OPHN1: variants seen among roughly 807,000 people sequenced by gnomAD.
OPHN1 encodes the protein oligophrenin 1.
A neutral mutation model predicts 60.7 loss-of-function variants in OPHN1; 11 were observed. That is an observed-to-expected ratio of 0.18 (90% confidence interval 0.11 to 0.30). The LOEUF (loss-of-function observed/expected upper bound fraction) is 0.30. Among genes scored for constraint, OPHN1 ranks in the 10% least tolerant of loss-of-function variants. The pLI is 1.00. For missense variants in OPHN1, 449 were observed against 611.0 expected, an observed-to-expected ratio of 0.73 and a Z score of 2.80; for synonymous variants, 226 against 222.6, an observed-to-expected ratio of 1.02 and a Z score of -0.14.
At chrX:68,084,501 C>T (rs2076987892) in intron 19 of OPHN1, among the ~76,000 whole-genome samples, 1 of 109,954 alleles carries the variant, frequency 9.1e-6, no homozygotes, top group Admixed American at 9.6e-5. Context: ...GAAGCAGTTA[C>T]ATGCTATGCA....
intron 8 of OPHN1, among the ~76,000 whole-genome samples, chrX:68,211,303 C>T (rs776788794): frequency 8.9e-6 from 1 of 112,455 alleles, no homozygotes; most frequent in Admixed American, 9.4e-5. Flanking sequence ...AAGTCACCAA[C>T]TCAGTAATGC....
At chrX:68,128,493 T>C (rs1044210469) in intron 15 of OPHN1, among the ~76,000 whole-genome samples, 9 of 93,585 alleles carry the variant, frequency 9.6e-5, no homozygotes, top group Non-Finnish European at 1.6e-4. Flanking sequence ...AGTTGCACTG[T>C]ATGTGTGTGG....
At chrX:68,336,351 C>G (rs1306042160) in intron 2 of OPHN1, 2 of 109,110 alleles carry the variant, frequency 1.8e-5, no homozygotes, top group African/African-American at 6.7e-5. Flanking sequence ...ACTGAGACCC[C>G]ATCTCTACAA....
chrX:68,251,337 C>G (rs2077834079), intron 5 of OPHN1, among the ~76,000 whole-genome samples: 1 of 108,015 alleles, frequency 9.3e-6, no homozygotes, highest in African/African-American at 3.4e-5. Context: ...AGGCACGCAC[C>G]ACCACACCCA....
chrX:68,070,537 C>T (rs2076929480), intron 20 of OPHN1: 13 of 650,657 alleles, frequency 2.0e-5, no homozygotes, highest in Non-Finnish European at 3.4e-5. Flanking sequence ...TTGCCGAGAG[C>T]ATCCACCCCA....
chrX:68,332,078 A>C (rs976459146), intron 2 of OPHN1, among the ~76,000 whole-genome samples: 3 of 111,232 alleles, frequency 2.7e-5, no homozygotes, highest in East Asian at 2.8e-4. Context: ...AAGAATGAGA[A>C]CGATCTGAAG....
intron 11 of OPHN1, 63 bp from the exon 12 acceptor site, chrX:68,197,327 G>A (rs1013087504): frequency 2.3e-6 from 2 of 858,512 alleles, no homozygotes; most frequent in Non-Finnish European, 3.5e-6. Flanking sequence ...GGAGTCTTGT[G>A]ATCTAGGGTC....
chrX:68,056,497 C>T (rs1256131610), intron 21 of OPHN1, among the ~76,000 whole-genome samples: 1 of 111,675 alleles, frequency 9.0e-6, no homozygotes, highest in East Asian at 2.8e-4. Context: ...TATTCATGTG[C>T]ACACATATGA....
At chrX:68,074,068 A>G (rs1282143232) in intron 19 of OPHN1, among the ~76,000 whole-genome samples, 1 of 112,319 alleles carries the variant, frequency 8.9e-6, no homozygotes, top group East Asian at 2.8e-4. Flanking sequence ...ATGGAGACCA[A>G]CCTTTTAGCC....
intron 11 of OPHN1, among the ~76,000 whole-genome samples, chrX:68,199,419 T>C (rs896141157): frequency 9.0e-6 from 1 of 111,534 alleles, no homozygotes; most frequent in Non-Finnish European, 1.9e-5. Flanking sequence ...AGAGGATCAC[T>C]TGAACCTGTG....
At position 68,073,186 on chromosome X, in the gene OPHN1, C is replaced by A. The variant is rs372951407; in HGVS notation, c.1800G>T (p.Thr600=). ...CATCCAGGGAAGAAGTATAGAAAACCGTCCTTTCTCGCAGCAAGCGCTTTG... is the reference window on the plus strand; with the variant it reads ...CATCCAGGGAAGAAGTATAGAAAACAGTCCTTTCTCGCAGCAAGCGCTTTG... ...TISKRLLRER[T]VFYTSSLDES... The change falls in exon 20 of 25, where the codon ACG becomes ACT. Residue 600 remains threonine, a synonymous_variant. Transcript: ENST00000355520. The A allele has an allele frequency of 1.2e-4, 149 of 1,209,291 alleles. No homozygotes were observed. Among genetic ancestry groups the A allele is most frequent in the Non-Finnish European group, 1.6e-4 (144 of 894,802 alleles).
intron 3 of OPHN1, among the ~76,000 whole-genome samples, chrX:68,296,526 C>T (rs969905926): frequency 1.5e-4 from 16 of 107,882 alleles, no homozygotes; most frequent in African/African-American, 5.1e-4. Flanking sequence ...GGCATCATGG[C>T]GGGTGCCTGT....
At chrX:68,186,473 A>G (rs1280668069) in intron 15 of OPHN1, among the ~76,000 whole-genome samples, 2 of 108,021 alleles carry the variant, frequency 1.9e-5, no homozygotes, top group Admixed American at 9.9e-5. Context: ...ACAATATTAC[A>G]GTAAAAAAAA....
intron 3 of OPHN1, among the ~76,000 whole-genome samples, chrX:68,292,122 G>T (rs2078073326): frequency 9.0e-6 from 1 of 111,465 alleles, no homozygotes; most frequent in African/African-American, 3.3e-5. Context: ...TCTTTTGGGT[G>T]GCTGGGGGTT....
chrX:68,159,076 T>C (rs1470033498), intron 15 of OPHN1, among the ~76,000 whole-genome samples: 2 of 111,313 alleles, frequency 1.8e-5, no homozygotes, highest in Non-Finnish European at 3.8e-5. Flanking sequence ...AAAGCTTTAG[T>C]GCATATGTTC....
At chrX:68,336,956 G>A in intron 2 of OPHN1, among the ~76,000 whole-genome samples, 1 of 110,429 alleles carries the variant, frequency 9.1e-6, no homozygotes, top group East Asian at 2.9e-4. Context: ...AGCTACTCGG[G>A]AGGCTGATGC....
chrX:68,100,531 T>C (rs2077053879), intron 18 of OPHN1, among the ~76,000 whole-genome samples: 1 of 110,366 alleles, frequency 9.1e-6, no homozygotes, highest in Non-Finnish European at 1.9e-5. Flanking sequence ...TGAAACAAGA[T>C]TGGCCATGTG....
At chrX:68,393,187 A>G in intron 2 of OPHN1, among the ~76,000 whole-genome samples, 2 of 112,813 alleles carry the variant, frequency 1.8e-5, no homozygotes, top group Non-Finnish European at 3.7e-5. Context: ...CCTCTGTTGC[A>G]TGTCCTGCAA....
intron 21 of OPHN1, among the ~76,000 whole-genome samples, chrX:68,061,798 T>G (rs977281377): frequency 9.0e-6 from 1 of 111,350 alleles, no homozygotes; most frequent in Non-Finnish European, 1.9e-5. Context: ...ACCAGAGCAT[T>G]CAGAGTCAAC....
Sources: allele counts gnomAD v4.1 joint callset (sites outside exome capture counted in the v4.1 genomes callset), GRCh38; gene constraint gnomAD v4.1.1; transcripts MANE v1.5; gene names NCBI Gene and HGNC (gene_info 2026-07-23, HGNC 2026-07-21).